MUC22: variants seen among roughly 807,000 people sequenced by gnomAD.
MUC22 encodes the protein mucin 22, also known as mucin-22.
In MUC22, 24 loss-of-function variants were observed where a neutral mutation model predicts 40.3. That is an observed-to-expected ratio of 0.60 (90% CI 0.43 to 0.84). The LOEUF is 0.84. Ranked by LOEUF, MUC22 falls within the 40% of genes least tolerant of loss-of-function variation. The pLI is 0.00. For missense variants in MUC22, 1,926 were observed against 2,130.7 expected (o/e 0.90, Z 1.89); for synonymous variants, 765 against 844.5 (o/e 0.91, Z 1.63).
intron 1 of MUC22, among the ~76,000 whole-genome samples, chr6:31,015,692 G>C (rs1764145864): frequency 6.6e-6 from 1 of 152,170 alleles, no homozygotes; most frequent in African/African-American, 2.4e-5. Flanking sequence ...CTGATATTTA[G>C]ATTACTGACC....
At position 31,025,709 on chromosome 6, in the gene MUC22, C is replaced by A. The variant is rs919930187; in HGVS notation, c.278C>A (p.Thr93Asn). ...GCAGCCTTCACCACAGGCTCTGAGA[C>A]CAACACGGCCTCCACCACAGACTCA... The change falls in exon 2 of 4, where the codon ACC (threonine) becomes AAC (asparagine). Residue 93 changes from threonine to asparagine, a missense_variant. By Grantham distance (65) the Thr-to-Asn change is moderately conservative (BLOSUM62 0). Transcript: ENST00000561890. The A allele has an allele frequency of 1.8e-5, 28 of 1,530,674 alleles. No homozygotes were observed. Among genetic ancestry groups the A allele is most frequent in the Non-Finnish European group, 2.3e-5 (26 of 1,142,958 alleles). The allele number at this position is 1,530,674 out of a possible 1,614,324, so 94.8% of individuals were successfully genotyped here. A position where few individuals can be genotyped will look rare whatever the true frequency, so the allele number is the denominator to read the frequency against.
chr6:31,015,053 T>C (rs1451049788), intron 1 of MUC22, among the ~76,000 whole-genome samples: 1 of 152,140 alleles, frequency 6.6e-6, no homozygotes, highest in Non-Finnish European at 1.5e-5. Context: ...CAGTTTAGGA[T>C]TGGCTGGTTT....
chr6:31,015,188 A>G (rs1190170823), intron 1 of MUC22, among the ~76,000 whole-genome samples: 1 of 152,136 alleles, frequency 6.6e-6, no homozygotes, highest in African/African-American at 2.4e-5. Flanking sequence ...TAGAGGAGCT[A>G]TGGCTCTGGA....
In MUC22 at chr6:31,032,002, A is replaced by G. The variant is rs115450226; in HGVS notation, c.4670-194A>G. On this transcript the variant is annotated intron_variant, in intron 2 of 3. Coordinates refer to ENST00000561890, the Ensembl canonical transcript of MUC22. The surrounding 1 kb of genome is among the most constrained non-coding windows in gnomAD (Gnocchi z 4.1). ...TGACACATTCTACCTCCTTCTCTGT[A>G]TGACACCCACCTGCATTCTGGGGAC... is the stretch of plus-strand genomic sequence containing the variant. Among the ~76,000 whole-genome samples, 5 of 152,144 alleles carry G rather than the reference A, an allele frequency of 3.3e-5. No homozygotes were observed. The highest frequency in any genetic ancestry group is 7.4e-5 in the Non-Finnish European group (5 of 67,992).
chr6:31,017,933 T>C (rs1255308319), intron 1 of MUC22, among the ~76,000 whole-genome samples: 1 of 152,238 alleles, frequency 6.6e-6, no homozygotes, highest in African/African-American at 2.4e-5. Flanking sequence ...CCACACTGCG[T>C]TTATGAGTTG....
chr6:31,029,892 T>C, exon 2 of MUC22: 10 of 1,516,104 alleles, frequency 6.6e-6, no homozygotes, highest in Non-Finnish European at 8.8e-6. Context: ...AGACCAACAC[T>C]GCCTTCATCA....
At chr6:31,019,884 GC>G (rs1173115986) in intron 1 of MUC22, among the ~76,000 whole-genome samples, 1 of 152,146 alleles carries the variant, frequency 6.6e-6, no homozygotes, top group Non-Finnish European at 1.5e-5. Context: ...CAGAGTGGCA[GC>G]CTGGCATGTT....
exon 2 of MUC22, chr6:31,027,000 T>C: frequency 6.7e-7 from 1 of 1,493,458 alleles, no homozygotes; most frequent in Non-Finnish European, 8.9e-7. Flanking sequence ...CTGAAGATTC[T>C]AAGACTACCA....
intron 3 of MUC22, among the ~76,000 whole-genome samples, chr6:31,033,298 A>G (rs532004369): frequency 1.3e-5 from 2 of 150,934 alleles, no homozygotes; most frequent in Admixed American, 1.3e-4. Context: ...AAACTGAGAG[A>G]GAAAGAGAAA....
rs1167399479 is a variant in MUC22 at position 31,032,563 on chromosome 6, A to G, written c.5037A>G (p.Val1679=). The change falls in exon 3 of 4, where the codon GTA becomes GTG. Residue 1679 remains valine (V), a synonymous_variant. Transcript: ENST00000561890. The surrounding 1 kb of genome is among the most constrained non-coding windows in gnomAD (Gnocchi z 4.1). Reference sequence around the variant, plus strand: ...TTGTGGCTGCTGTTGGATTGTCAGTAGGACTGAGTTTTTGTCTGGTGAGTA... The same window carrying G: ...TTGTGGCTGCTGTTGGATTGTCAGTGGGACTGAGTTTTTGTCTGGTGAGTA... 2.9e-5 allele frequency: 45 copies of G among 1,534,808 alleles called. No homozygotes were observed. The highest frequency in any genetic ancestry group is 3.8e-5 in the Non-Finnish European group (44 of 1,146,434).
At chr6:31,025,973 C>G in exon 2 of MUC22, 1 of 1,534,352 alleles carries the variant, frequency 6.5e-7, no homozygotes, top group Non-Finnish European at 8.7e-7. Flanking sequence ...GCCTCCACCA[C>G]AGGCTCTGAG....
chr6:31,010,416 A>G, upstream of MUC22: 1 of 371,604 alleles, frequency 2.7e-6, no homozygotes, highest in Admixed American at 4.0e-5. Flanking sequence ...GGAGGACCCA[A>G]AGTTCTGGCC....
At chr6:31,020,009 A>G (rs7758976) in intron 1 of MUC22, among the ~76,000 whole-genome samples, 67,434 of 151,602 alleles carry the variant, frequency 0.44, 15,160 homozygotes, top group East Asian at 0.54. Flanking sequence ...TGCAATATGT[A>G]TTATTGAAGT....
chr6:31,014,759 G>T (rs1764077252), intron 1 of MUC22, among the ~76,000 whole-genome samples: 1 of 152,174 alleles, frequency 6.6e-6, no homozygotes, highest in Non-Finnish European at 1.5e-5. Context: ...GGTGAATATG[G>T]TTCTTCCGTC....
In MUC22 at chr6:31,028,204, AC is replaced by A; in HGVS notation, c.2775del (p.Thr926LeufsTer115). On this transcript the variant is annotated frameshift_variant, in exon 2 of 4. Coordinates refer to ENST00000561890, the Ensembl canonical transcript of MUC22. LOFTEE classifies it high-confidence loss of function. Reference sequence around the variant, plus strand: ...CATCACCTCTACTGAAGGCTCTGAGACCACTACAGTATCTGCCACAGGCTCT... The same window carrying A: ...CATCACCTCTACTGAAGGCTCTGAGACACTACAGTATCTGCCACAGGCTCT... 1 of 1,534,812 alleles carries A rather than the reference AC, an allele frequency of 6.5e-7. No individual in the cohort carries two copies. The highest frequency in any genetic ancestry group is 8.7e-7 in the Non-Finnish European group (1 of 1,146,666).
exon 2 of MUC22, chr6:31,029,288 C>G: frequency 6.5e-7 from 1 of 1,528,910 alleles, no homozygotes; most frequent in Non-Finnish European, 8.8e-7. Context: ...TCAGAGACCA[C>G]TACAGTCACT....
chr6:31,010,419 T>C (rs2530716), upstream of MUC22: 55,761 of 380,702 alleles, frequency 0.15, 4,417 homozygotes, highest in Admixed American at 0.2. Context: ...GGACCCAAAG[T>C]TCTGGCCTCC....
chr6:31,006,538 C>T (rs1376723094), upstream of MUC22, among the ~76,000 whole-genome samples: 1 of 152,084 alleles, frequency 6.6e-6, no homozygotes, highest in Non-Finnish European at 1.5e-5. Flanking sequence ...ATAGAATATA[C>T]AAGAGTAAAC....
rs1562620872 is a variant in MUC22 at position 31,030,244 on chromosome 6, G to A, written c.4669+144G>A. ...TATAATTTCCTCTTCTAGGCTGGGC[G>A]CGGTGGCTCATGCCTGTAATCCCAG... On this transcript the variant is annotated intron_variant, in intron 2 of 3. Transcript: ENST00000561890. 7 of 999,798 alleles carry A rather than the reference G, an allele frequency of 7.0e-6. No homozygotes were observed. In the East Asian group the frequency reaches 7.9e-5, roughly 11 times the overall value. The allele number at this position is 999,798 out of a possible 1,614,324, so 61.9% of individuals were successfully genotyped here.
Sources: allele counts gnomAD v4.1 joint callset (sites outside exome capture counted in the v4.1 genomes callset), GRCh38; gene constraint gnomAD v4.1.1; non-coding constraint Gnocchi (gnomAD v3.1); transcripts MANE v1.5; gene names NCBI Gene and HGNC (gene_info 2026-07-23, HGNC 2026-07-21).